Variants in ALDH2 observed in about 807,000 individuals in gnomAD.
The protein encoded by ALDH2 is aldehyde dehydrogenase 2 family member.
Under a neutral mutation model 59.6 loss-of-function variants are expected in ALDH2, and 44 were observed. The observed-to-expected ratio is 0.74, with a 90% CI of 0.58 to 0.95. The LOEUF is 0.95. ALDH2 is among the 40% of genes least tolerant of loss of function. The pLI is 0.00. For missense variants in ALDH2, 570 were observed against 696.3 expected (o/e 0.82, Z 2.04); for synonymous variants, 291 against 284.0 (o/e 1.02, Z -0.25).
chr12:111,771,803 T>C (rs903121919), intron 1 of ALDH2, among the ~76,000 whole-genome samples: 3 of 152,066 alleles, frequency 2.0e-5, no homozygotes, highest in Non-Finnish European at 4.4e-5. Context: ...AAATGTTTGA[T>C]TTCTTTAAAA....
At chr12:111,788,206 G>A (rs1165061527) in intron 4 of ALDH2, among the ~76,000 whole-genome samples, 7 of 151,688 alleles carry the variant, frequency 4.6e-5, no homozygotes, top group African/African-American at 1.7e-4. Context: ...GCGAGACTTC[G>A]TCTCAAAAAA....
intron 10 of ALDH2, among the ~76,000 whole-genome samples, chr12:111,798,543 T>G (rs1427407537): frequency 6.6e-6 from 1 of 152,096 alleles, no homozygotes; most frequent in Non-Finnish European, 1.5e-5. Flanking sequence ...TCCCATGACC[T>G]TTTTTCTTTC....
intron 1 of ALDH2, among the ~76,000 whole-genome samples, chr12:111,775,240 A>G (rs2068226506): frequency 6.6e-6 from 1 of 152,140 alleles, no homozygotes; most frequent in African/African-American, 2.4e-5. Context: ...AGATCCTGGC[A>G]CACAGCAGGT....
chr12:111,772,942 C>CA (rs34108639), intron 1 of ALDH2, among the ~76,000 whole-genome samples: 102 of 130,906 alleles, frequency 7.8e-4, no homozygotes, highest in Non-Finnish European at 9.4e-4. Context: ...GACTCCGTCT[C>CA]AAAAAAAAAA....
At chr12:111,775,191 C>T (rs928947375) in intron 1 of ALDH2, among the ~76,000 whole-genome samples, 4 of 152,188 alleles carry the variant, frequency 2.6e-5, no homozygotes, top group African/African-American at 7.2e-5. Flanking sequence ...GGCAGTGTCC[C>T]GGTTCTCTGG....
chr12:111,807,080 G>A (rs529770662), intron 12 of ALDH2, among the ~76,000 whole-genome samples: 7 of 151,930 alleles, frequency 4.6e-5, no homozygotes, highest in African/African-American at 1.7e-4. Context: ...TCCTGGCTAC[G>A]GTGAAACCCC....
intron 1 of ALDH2, among the ~76,000 whole-genome samples, chr12:111,771,726 G>T (rs1020922779): frequency 6.6e-6 from 1 of 152,180 alleles, no homozygotes; most frequent in African/African-American, 2.4e-5. Flanking sequence ...TTGGTGTGAG[G>T]GTGGTTACTG....
At position 111,798,171 on chromosome 12, in the gene ALDH2, G is replaced by A; in HGVS notation, c.1177G>A (p.Asp393Asn). 2 of 1,610,884 alleles carry A rather than the reference G, an allele frequency of 1.2e-6. No individual in the cohort carries two copies. The highest frequency in any genetic ancestry group is 1.7e-6 in the Non-Finnish European group (2 of 1,178,414). The part of the protein sequence containing the change: ...KLLCGGGIAA[D>N]RGYFIQPTVF... ...GCTGTGTGGTGGGGGCATTGCTGCT[G>A]ACCGTGGTTACTTCATCCAGCCCAC... The change falls in exon 10 of 13, where the codon GAC (aspartate) becomes AAC (asparagine). Residue 393 changes from aspartate (D) to asparagine (N), a missense_variant. Coordinates refer to ENST00000261733, the MANE Select transcript of ALDH2 (RefSeq NM_000690.4).
At chr12:111,794,056 G>A (rs369705801) in intron 9 of ALDH2, among the ~76,000 whole-genome samples, 5 of 124,704 alleles carry the variant, frequency 4.0e-5, no homozygotes, top group Admixed American at 1.0e-4. Flanking sequence ...GTCTCGCTCC[G>A]TCACCAGGCT....
chr12:111,786,418 A>C (rs558642537), intron 4 of ALDH2, among the ~76,000 whole-genome samples: 2 of 151,416 alleles, frequency 1.3e-5, no homozygotes, highest in East Asian at 3.9e-4. Flanking sequence ...TTGTATTTTT[A>C]GTGGAGATGG....
chr12:111,802,140 G>A (rs1025324703), intron 11 of ALDH2, among the ~76,000 whole-genome samples: 2 of 152,062 alleles, frequency 1.3e-5, no homozygotes, highest in East Asian at 1.9e-4. Flanking sequence ...CTGTAAGGCC[G>A]TGGTGGTTCA....
intron 1 of ALDH2, among the ~76,000 whole-genome samples, chr12:111,768,592 A>T (rs1257230225): frequency 3.3e-5 from 5 of 152,168 alleles, no homozygotes; most frequent in Non-Finnish European, 4.4e-5. Context: ...AAATCCCAGC[A>T]TTTTGGGAGG....
At chr12:111,798,041 C>T in intron 9 of ALDH2, 37 bp from the exon 10 acceptor site, 1 of 1,613,200 alleles carries the variant, frequency 6.2e-7, no homozygotes. Flanking sequence ...AGGTCTGAAT[C>T]CGATGTCTCC....
At chr12:111,776,405 G>A (rs1475896556) in intron 1 of ALDH2, among the ~76,000 whole-genome samples, 3 of 152,112 alleles carry the variant, frequency 2.0e-5, no homozygotes, top group Admixed American at 6.6e-5. Flanking sequence ...AGAAGTACTC[G>A]ATGAGGCATC....
intron 3 of ALDH2, among the ~76,000 whole-genome samples, chr12:111,783,518 T>C (rs997233307): frequency 1.1e-4 from 17 of 152,162 alleles, no homozygotes; most frequent in African/African-American, 3.9e-4. Context: ...TTGTTTTGTT[T>C]TGCTTTTTTG....
intron 9 of ALDH2, 98 bp from the exon 10 acceptor site, chr12:111,797,973 TTGGTCCA>T: frequency 1.5e-6 from 2 of 1,370,728 alleles, no homozygotes; most frequent in Non-Finnish European, 2.0e-6. Context: ...TCTTATGACC[TTGGTCCA>T]TTTCCCAGTT....
In ALDH2 at chr12:111,812,938, T is replaced by C. The variant is rs2068545730; in HGVS notation, c.*3363T>C. The C allele has an allele frequency of 6.6e-6, 1 of 152,088 alleles. No individual in the cohort carries two copies. 9.4% of individuals were successfully genotyped at this position (152,088 alleles called of 1,614,324 possible). A position where few individuals can be genotyped will look rare whatever the true frequency, so the allele number is the denominator to read the frequency against. On this transcript the variant is annotated 3_prime_UTR_variant, in exon 13 of 13. Transcript: ENST00000261733. Reference sequence around the variant, plus strand: ...CTTGGTAGGGGTGAATTGGAAAAAGTAGAGAAATGTAATATTTCTTTCCTG... The same window carrying C: ...CTTGGTAGGGGTGAATTGGAAAAAGCAGAGAAATGTAATATTTCTTTCCTG...
In ALDH2 at chr12:111,813,462, C is replaced by G. The variant is rs2068550254; in HGVS notation, c.*3887C>G. 6.6e-6 allele frequency: 1 copy of G among 152,192 alleles called. No individual in the cohort carries two copies. The highest frequency in any genetic ancestry group is 2.1e-4 in the South Asian group (1 of 4,832). The allele number at this position is 152,192 out of a possible 1,614,324, so 9.4% of individuals were successfully genotyped here. A position where few individuals can be genotyped will look rare whatever the true frequency, so the allele number is the denominator to read the frequency against. ...ATGAGGGAATCAAAGACCAGGATCACATACTGGAAAGAATTGAAAACAGAG... is the reference window on the plus strand; with the variant it reads ...ATGAGGGAATCAAAGACCAGGATCAGATACTGGAAAGAATTGAAAACAGAG... On this transcript the variant is annotated 3_prime_UTR_variant, in exon 13 of 13. Transcript: ENST00000261733.
At chr12:111,769,538 A>AAGAG (rs143486935) in intron 1 of ALDH2, among the ~76,000 whole-genome samples, 23 of 150,222 alleles carry the variant, frequency 1.5e-4, no homozygotes, top group Non-Finnish European at 2.7e-4. Context: ...TGCCTGCAGC[A>AAGAG]AGAGAGAGAG....
Sources: gnomAD v4.1 joint callset for allele counts (sites outside exome capture counted in the v4.1 genomes callset) on GRCh38, gnomAD v4.1.1 for gene constraint, MANE v1.5 for transcripts, NCBI Gene and HGNC (gene_info 2026-07-23, HGNC 2026-07-21) for gene names.